DOCK9: variants seen among roughly 807,000 people sequenced by gnomAD.
DOCK9 encodes dedicator of cytokinesis protein 9.
In DOCK9, 89 loss-of-function variants were observed where a neutral mutation model predicts 263.3. The ratio of observed to expected loss-of-function variants is 0.34; its 90% CI spans 0.28 to 0.40. The LOEUF (loss-of-function observed/expected upper bound fraction) is 0.40, where lower values mean the gene tolerates loss of function less well. Ranked by LOEUF, DOCK9 falls within the 10% of genes least tolerant of loss-of-function variation. The pLI is 1.00. For synonymous variants in DOCK9, 976 were observed against 973.1 expected (o/e 1.00, Z -0.06); for missense variants, 2,140 against 2,603.4 (o/e 0.82, Z 3.87).
chr13:99,016,916 C>T (rs1175306408), intron 1 of DOCK9, among the ~76,000 whole-genome samples: 1 of 152,056 alleles, frequency 6.6e-6, no homozygotes, highest in Non-Finnish European at 1.5e-5. Flanking sequence ...CTGTGTAAAC[C>T]CACGCATGTA....
intron 3 of DOCK9, among the ~76,000 whole-genome samples, chr13:98,927,073 G>A (rs138079963): frequency 6.6e-6 from 1 of 152,372 alleles, no homozygotes; most frequent in Admixed American, 6.5e-5. Flanking sequence ...TGGCAAGGGT[G>A]TGATGTGTGA....
intron 52 of DOCK9, 101 bp from the exon 53 acceptor site, chr13:98,794,849 GT>G: frequency 3.6e-6 from 5 of 1,370,232 alleles, no homozygotes; most frequent in Middle Eastern, 1.9e-4. Flanking sequence ...GTAACAAAAT[GT>G]TACAGAGTTT....
intron 43 of DOCK9, among the ~76,000 whole-genome samples, chr13:98,828,682 C>T (rs1408458880): frequency 6.6e-6 from 1 of 152,190 alleles, no homozygotes; most frequent in East Asian, 1.9e-4. Flanking sequence ...GCACAGACTG[C>T]CTTACAGCCA....
intron 1 of DOCK9, among the ~76,000 whole-genome samples, chr13:98,956,647 C>T (rs1453637723): frequency 1.3e-5 from 2 of 151,726 alleles, no homozygotes; most frequent in East Asian, 1.9e-4. Context: ...CTCGGGAGGC[C>T]GAGGCACGAG....
intron 41 of DOCK9, among the ~76,000 whole-genome samples, chr13:98,830,656 G>A (rs1012671720): frequency 1.3e-5 from 2 of 152,010 alleles, no homozygotes; most frequent in African/African-American, 4.8e-5. Context: ...CATCCTCTAG[G>A]TGCCCCTCCT....
At chr13:98,852,295 G>C in intron 35 of DOCK9, among the ~76,000 whole-genome samples, 1 of 152,120 alleles carries the variant, frequency 6.6e-6, no homozygotes, top group Non-Finnish European at 1.5e-5. Context: ...GGAAACTCTT[G>C]CTCGTCTGTT....
chr13:98,926,565 T>C (rs577068328), intron 3 of DOCK9, among the ~76,000 whole-genome samples: 38 of 152,350 alleles, frequency 2.5e-4, no homozygotes, highest in South Asian at 1.2e-3. Flanking sequence ...CCTCGCCACA[T>C]GACAGATTCA....
intron 7 of DOCK9, 75 bp downstream of exon 7, chr13:98,920,879 C>T (rs1418382324): frequency 4.2e-6 from 6 of 1,416,904 alleles, no homozygotes; most frequent in Non-Finnish European, 5.6e-6. Context: ...GAAGTGTTTG[C>T]TTAAATCTGC....
At chr13:98,872,047 T>G (rs1345730950) in intron 27 of DOCK9, 2 of 152,506 alleles carry the variant, frequency 1.3e-5, no homozygotes, top group Non-Finnish European at 2.9e-5. Context: ...GATGGGCTAC[T>G]CCCCGCCCTA....
chr13:99,021,318 C>A (rs539884254), intron 1 of DOCK9, among the ~76,000 whole-genome samples: 1 of 152,266 alleles, frequency 6.6e-6, no homozygotes, highest in Non-Finnish European at 1.5e-5. Context: ...ATTCAAACAA[C>A]AAATTTTATT....
intron 1 of DOCK9, among the ~76,000 whole-genome samples, chr13:99,007,331 T>A (rs1315992471): frequency 6.6e-6 from 1 of 151,958 alleles, no homozygotes; most frequent in Non-Finnish European, 1.5e-5. Flanking sequence ...GAAGTTGCAG[T>A]GAGTTAAGAT....
intron 37 of DOCK9, chr13:98,846,948 C>T: frequency 5.0e-6 from 1 of 201,220 alleles, no homozygotes; most frequent in Non-Finnish European, 1.0e-5. Context: ...GGAGCAAAGT[C>T]ACATCATCTC....
chr13:99,076,402 A>G (rs1035934136), intron 1 of DOCK9, among the ~76,000 whole-genome samples: 1 of 138,484 alleles, frequency 7.2e-6, no homozygotes, highest in Non-Finnish European at 1.6e-5. Context: ...TTAATCTTAT[A>G]CATTTTGTAC....
chr13:98,853,772 C>T (rs1424847911), intron 34 of DOCK9, among the ~76,000 whole-genome samples: 1 of 152,166 alleles, frequency 6.6e-6, no homozygotes, highest in Non-Finnish European at 1.5e-5. Context: ...AGGCACAGAC[C>T]TTTCTCACTG....
At chr13:98,875,269 T>C (rs2043639803) in intron 27 of DOCK9, among the ~76,000 whole-genome samples, 1 of 152,178 alleles carries the variant, frequency 6.6e-6, no homozygotes, top group Admixed American at 6.5e-5. Context: ...TGAGGGTGAA[T>C]GCATACTAGC....
At chr13:98,886,474 C>T (rs2045708213) in intron 19 of DOCK9, 58 bp downstream of exon 19, 1 of 1,483,698 alleles carries the variant, frequency 6.7e-7, no homozygotes, top group Non-Finnish European at 9.3e-7. Context: ...CAGGCAAATA[C>T]ATTAAAGTTT....
At chr13:98,913,750 G>T (rs2050434827) in intron 9 of DOCK9, among the ~76,000 whole-genome samples, 1 of 152,124 alleles carries the variant, frequency 6.6e-6, no homozygotes, top group South Asian at 2.1e-4. Context: ...AGCTAAAAAG[G>T]CAACATCATA....
intron 1 of DOCK9, among the ~76,000 whole-genome samples, chr13:99,036,852 T>C (rs59334375): frequency 6.6e-6 from 1 of 152,198 alleles, no homozygotes; most frequent in Non-Finnish European, 1.5e-5. Flanking sequence ...GGATTTTTTT[T>C]ATAGCAGCTG....
intron 43 of DOCK9, among the ~76,000 whole-genome samples, chr13:98,828,197 C>G (rs1366108540): frequency 6.6e-6 from 1 of 152,252 alleles, no homozygotes; most frequent in Non-Finnish European, 1.5e-5. Flanking sequence ...CCTGCTGCCA[C>G]TGCAATCTTG....
Sources: gnomAD v4.1 joint callset for allele counts (sites outside exome capture counted in the v4.1 genomes callset) on GRCh38, gnomAD v4.1.1 for gene constraint, MANE v1.5 for transcripts, NCBI Gene and HGNC (gene_info 2026-07-23, HGNC 2026-07-21) for gene names.